ABCA6: variants seen among roughly 807,000 people sequenced by gnomAD.
ABCA6 encodes ATP-binding cassette sub-family A member 6.
In ABCA6, 164 loss-of-function variants were observed where a neutral mutation model predicts 191.2. The ratio of observed to expected loss-of-function variants is 0.86; its 90% CI spans 0.76 to 0.98. The LOEUF is 0.98. Ranked by LOEUF, ABCA6 falls within the 50% of genes least tolerant of loss-of-function variation. ABCA6 has a pLI of 0.00. For missense variants in ABCA6, 1,958 were observed against 1,894.1 expected (o/e 1.03, Z -0.63); for synonymous variants, 636 against 647.7 (o/e 0.98, Z 0.27).
intron 25 of ABCA6, among the ~76,000 whole-genome samples, chr17:69,092,859 G>A (rs1401327192): frequency 6.6e-6 from 1 of 152,156 alleles, no homozygotes; most frequent in Non-Finnish European, 1.5e-5. Flanking sequence ...GTTGATACTA[G>A]CTGTACAATG....
intron 21 of ABCA6, among the ~76,000 whole-genome samples, chr17:69,101,864 T>C (rs1349571636): frequency 6.6e-6 from 1 of 152,208 alleles, no homozygotes; most frequent in Admixed American, 6.5e-5. Context: ...TTCCCAAAAC[T>C]GGCACAAAGC....
Position 69,102,866 on chromosome 17 carries a change from T to C in ABCA6, c.2843A>G (p.Asn948Ser). 1.3e-6 allele frequency: 2 copies of C among 1,593,504 alleles called. No homozygotes were observed. The highest frequency in any genetic ancestry group is 1.7e-6 in the Non-Finnish European group (2 of 1,174,296). ...NRNGTDGLSY[N>S]GAIIVSGKQK... The stretch of plus-strand genomic sequence containing the variant: ...TTTACCAGAAACTATGATAGCTCCA[T>C]TGTATGAGAGGCCATCAGTACCATT... Residue 948 changes from asparagine (N) to serine (S), a missense_variant, in exon 21 of 39, where the codon AAT becomes AGT. Physicochemically the swap from Asn to Ser is conservative, Grantham distance 46 (BLOSUM62 1). Coordinates refer to ENST00000284425, the MANE Select transcript of ABCA6 (RefSeq NM_080284.3).
At chr17:69,107,990 A>G in intron 17 of ABCA6, 178 bp from the exon 18 acceptor site, 1 of 528,996 alleles carries the variant, frequency 1.9e-6, no homozygotes, top group South Asian at 2.4e-5. Flanking sequence ...GAAATGACTA[A>G]GGAAGACCTC....
intron 28 of ABCA6, 152 bp from the exon 29 acceptor site, chr17:69,087,625 A>G (rs1277282887): frequency 5.0e-5 from 51 of 1,016,112 alleles, no homozygotes; most frequent in Non-Finnish European, 7.2e-5. Flanking sequence ...TGCTTTTGCC[A>G]AGAACTCCTG....
Position 69,086,622 on chromosome 17 carries a change from T to C in ABCA6, c.3933A>G (p.Gln1311=), listed in dbSNP as rs559955580. The change falls in exon 30 of 39, where the codon CAA becomes CAG. Residue 1311 remains glutamine, a synonymous_variant. Coordinates refer to ENST00000284425, the MANE Select transcript of ABCA6 (RefSeq NM_080284.3). ...TTAAAAGGGATTATTACAGACCTTC[T>C]TGAACACAGAAAGAGATATTTCTTG... The part of the protein sequence containing the change: ...IAARNISFCV[Q]EGEILGLLGP... 5.1e-5 allele frequency: 82 copies of C among 1,606,604 alleles called. No homozygotes were observed. Among genetic ancestry groups the C allele is most frequent in the South Asian group, 3.2e-4 (29 of 90,864 alleles).
intron 22 of ABCA6, 51 bp downstream of exon 22, chr17:69,100,746 G>A (rs745694197): frequency 1.6e-5 from 24 of 1,497,478 alleles, no homozygotes; most frequent in Non-Finnish European, 2.1e-5. Flanking sequence ...AGAAAACATA[G>A]GCTATTTGTC....
chr17:69,122,550 T>C (rs1177152413), intron 10 of ABCA6, among the ~76,000 whole-genome samples: 1 of 152,070 alleles, frequency 6.6e-6, no homozygotes, highest in Non-Finnish European at 1.5e-5. Flanking sequence ...AATTTACTCA[T>C]TTTTCCAAGA....
intron 35 of ABCA6, 23 bp from the exon 36 acceptor site, chr17:69,083,036 G>A (rs904989710): frequency 2.5e-6 from 4 of 1,608,390 alleles, no homozygotes; most frequent in Admixed American, 3.4e-5. Flanking sequence ...AAGAGAATAT[G>A]TTGGAAAAAA....
Position 69,137,337 on chromosome 17 carries a change from T to G in ABCA6, c.260A>C (p.Gln87Pro). The G allele has an allele frequency of 1.2e-6, 2 of 1,613,600 alleles. No homozygotes were observed. The highest frequency in any genetic ancestry group is 1.7e-6 in the Non-Finnish European group (2 of 1,179,734). The change falls in exon 3 of 39, where the codon CAG becomes CCG. Residue 87 changes from glutamine (Q) to proline (P), a missense_variant. By Grantham distance (76) the Gln-to-Pro change is moderately conservative. Transcript: ENST00000284425. ...VVYTPISNLT[Q>P]QIMNKTALAP... The stretch of plus-strand genomic sequence containing the variant: ...AAGTGCTGTTTTATTCATTATCTGC[T>G]GGGTTAAATTAGATATTGGTGTATA...
chr17:69,096,705 G>A lies in ABCA6; in HGVS notation c.3217C>T (p.Leu1073Phe). 6.3e-7 allele frequency: 1 copy of A among 1,587,452 alleles called. No individual in the cohort carries two copies. Among genetic ancestry groups the A allele is most frequent in the Non-Finnish European group, 8.6e-7 (1 of 1,169,206 alleles). ...LVDVSFFILI[L>F]LLMYLIFYIE... ...TAGAAAATTAAATACATTAAAAGGA[G>A]AATTAAAATGAAGAAGCTGACGTCC... The change falls in exon 24 of 39, where the codon CTC (leucine) becomes TTC (phenylalanine). Residue 1073 changes from leucine (L) to phenylalanine (F), a missense_variant. By Grantham distance (22) the Leu-to-Phe change is conservative. Coordinates refer to ENST00000284425, the MANE Select transcript of ABCA6 (RefSeq NM_080284.3).
At chr17:69,117,360 T>C (rs1187350107) in intron 11 of ABCA6, among the ~76,000 whole-genome samples, 1 of 152,086 alleles carries the variant, frequency 6.6e-6, no homozygotes, top group Non-Finnish European at 1.5e-5. Context: ...ATCTAGCTAC[T>C]CACTTTGATG....
Position 69,079,205 on chromosome 17 carries a change from C to CT in ABCA6, c.4752+4dup. ...GATGATACAAAGTCAAACCACTTGA[C>CT]TTACCTTCTCCAGTGTGCACTGAGA... is the stretch of plus-strand genomic sequence containing the variant. On this transcript the variant is annotated splice_donor_region_variant and intron_variant, in intron 38 of 38. Coordinates refer to ENST00000284425, the MANE Select transcript of ABCA6 (RefSeq NM_080284.3). 6.2e-7 allele frequency: 1 copy of CT among 1,608,480 alleles called. No homozygotes were observed. The highest frequency in any genetic ancestry group is 8.5e-7 in the Non-Finnish European group (1 of 1,177,176).
At chr17:69,100,752 T>C in intron 22 of ABCA6, 45 bp downstream of exon 22, 5 of 1,523,254 alleles carry the variant, frequency 3.3e-6, no homozygotes, top group Non-Finnish European at 3.5e-6. Context: ...CATAGGCTAT[T>C]TGTCCAATTC....
In ABCA6 at chr17:69,106,159, C is replaced by CTCCAT. The variant is rs753645780; in HGVS notation, c.2437_2441dup (p.Leu815TrpfsTer15). On this transcript the variant is annotated frameshift_variant, in exon 19 of 39. Transcript: ENST00000284425. LOFTEE classifies it high-confidence loss of function. Reference sequence around the variant, plus strand: ...TTTCAGAGAAGGAAGAGTGAGCCAGCTCCATTTCATTGAGGCTTTCTGAGT... The same window carrying CTCCAT: ...TTTCAGAGAAGGAAGAGTGAGCCAGCTCCATTCCATTTCATTGAGGCTTTCTGAGT... 1.2e-6 allele frequency: 2 copies of CTCCAT among 1,613,820 alleles called. No homozygotes were observed. The highest frequency in any genetic ancestry group is 2.2e-5 in the South Asian group (2 of 91,038).
chr17:69,091,171 A>T lies in ABCA6; in HGVS notation c.3500T>A (p.Leu1167Ter). 1 of 1,610,464 alleles carries T rather than the reference A, an allele frequency of 6.2e-7. No homozygotes were observed. The highest frequency in any genetic ancestry group is 8.5e-7 in the Non-Finnish European group (1 of 1,178,976). The change falls in exon 26 of 39, where the codon TTG (leucine) becomes TAG (stop). Residue 1167 changes from leucine (L) to a stop codon, truncating the protein, a stop_gained. Transcript: ENST00000284425. LOFTEE classifies it high-confidence loss of function. ...TTCCAAAAAAGTTTTAAATCCAAGCAAGGTATATGAAGGAACCAATACCAT... is the reference window on the plus strand; with the variant it reads ...TTCCAAAAAAGTTTTAAATCCAAGCTAGGTATATGAAGGAACCAATACCAT... ...TTMVLVPSYT[L>*]LGFKTFLEVR...
chr17:69,097,557 C>T (rs749051507), intron 23 of ABCA6, among the ~76,000 whole-genome samples: 6 of 152,030 alleles, frequency 3.9e-5, no homozygotes, highest in Admixed American at 2.6e-4. Context: ...CATAAAATTG[C>T]AATTTCCAGA....
At chr17:69,138,182 G>A (rs1322731309) in intron 2 of ABCA6, among the ~76,000 whole-genome samples, 1 of 152,064 alleles carries the variant, frequency 6.6e-6, no homozygotes, top group Non-Finnish European at 1.5e-5. Context: ...GGTCTTCAAG[G>A]TCCAAGATGG....
intron 2 of ABCA6, among the ~76,000 whole-genome samples, chr17:69,138,173 G>A (rs2073978864): frequency 6.6e-6 from 1 of 152,102 alleles, no homozygotes; most frequent in Non-Finnish European, 1.5e-5. Context: ...TCCTCTAGAG[G>A]TCTTCAAGGT....
intron 20 of ABCA6, among the ~76,000 whole-genome samples, chr17:69,103,415 T>C (rs1200011436): frequency 1.3e-5 from 2 of 152,220 alleles, no homozygotes; most frequent in Admixed American, 1.3e-4. Flanking sequence ...CACATACATA[T>C]GTTTTACTTT....
Sources: allele counts gnomAD v4.1 joint callset (sites outside exome capture counted in the v4.1 genomes callset), GRCh38; gene constraint gnomAD v4.1.1; transcripts MANE v1.5; gene names NCBI Gene and HGNC (gene_info 2026-07-23, HGNC 2026-07-21).